SH3PXD2A: variants seen among roughly 807,000 people sequenced by gnomAD.
The protein encoded by SH3PXD2A is SH3 and PX domains 2A.
A neutral mutation model predicts 115.2 loss-of-function variants in SH3PXD2A; 32 were observed. That is an observed-to-expected ratio of 0.28 (90% CI 0.21 to 0.37). The LOEUF is 0.37. Among genes scored for constraint, SH3PXD2A ranks in the 10% least tolerant of loss-of-function variants. The pLI is 1.00. For synonymous variants in SH3PXD2A, 610 were observed against 629.1 expected, an observed-to-expected ratio of 0.97 and a Z score of 0.45; for missense variants, 1,328 against 1,498.7, an observed-to-expected ratio of 0.89 and a Z score of 1.88.
chr10:103,644,360 G>A (rs892643074), intron 8 of SH3PXD2A, among the ~76,000 whole-genome samples: 12 of 151,986 alleles, frequency 7.9e-5, no homozygotes, highest in African/African-American at 2.4e-4. Flanking sequence ...TGGGCAGATC[G>A]TTTGAGTCCA....
chr10:103,637,818 C>T (rs1288813390), intron 8 of SH3PXD2A, among the ~76,000 whole-genome samples: 1 of 152,194 alleles, frequency 6.6e-6, no homozygotes, highest in African/African-American at 2.4e-5. Flanking sequence ...ACCCATACCA[C>T]ACCCAGCACA....
intron 3 of SH3PXD2A, among the ~76,000 whole-genome samples, chr10:103,759,273 A>C (rs998728858): frequency 1.3e-5 from 2 of 152,198 alleles, no homozygotes; most frequent in Non-Finnish European, 2.9e-5. Context: ...AGTACAAAAG[A>C]AGCAAGCATG....
intron 11 of SH3PXD2A, among the ~76,000 whole-genome samples, chr10:103,616,980 C>T (rs2281586): frequency 0.29 from 44,253 of 152,306 alleles, 7,370 homozygotes; most frequent in South Asian, 0.53. Flanking sequence ...CTGGCTGTGG[C>T]TCAAGCTCTG....
chr10:103,641,306 C>T (rs996181855), intron 8 of SH3PXD2A, among the ~76,000 whole-genome samples: 2 of 152,102 alleles, frequency 1.3e-5, no homozygotes, highest in Admixed American at 6.5e-5. Context: ...CTGAGTTGTG[C>T]AGGTCCCCCT....
At position 103,793,888 on chromosome 10, in the gene SH3PXD2A, A is replaced by G. The variant is rs892807428; in HGVS notation, c.153+7394T>C. ...CACACACTGGGATCACCCCAGGTTG[A>G]TCTCAGCTGAGGCCTGCTTTGGATA... On this transcript the variant is annotated intron_variant, in intron 2 of 14. Transcript: ENST00000369774. 2.0e-5 allele frequency among the ~76,000 whole-genome samples: 3 copies of G among 152,340 alleles called. No homozygotes were observed. In the East Asian group the frequency reaches 5.8e-4, roughly 29 times the overall value.
At chr10:103,805,763 C>T (rs1158984391) in intron 1 of SH3PXD2A, among the ~76,000 whole-genome samples, 3 of 152,160 alleles carry the variant, frequency 2.0e-5, no homozygotes, top group Non-Finnish European at 2.9e-5. Context: ...GTGGCTCATG[C>T]CTGTAATCCC....
chr10:103,749,334 A>T (rs760497974), intron 3 of SH3PXD2A, among the ~76,000 whole-genome samples: 4 of 152,198 alleles, frequency 2.6e-5, no homozygotes, highest in Non-Finnish European at 5.9e-5. Flanking sequence ...CTGAAGTCAA[A>T]GCTAAGCTCT....
At position 103,613,153 on chromosome 10, in the gene SH3PXD2A, G is replaced by C. The variant is rs138730731; in HGVS notation, c.958C>G (p.Leu320Val). ...GKEGWAPASYLKKAKDDLPTR... is the reference protein window; with the variant it reads ...GKEGWAPASYVKKAKDDLPTR... The stretch of plus-strand genomic sequence containing the variant: ...GGCAGGTCATCCTTGGCCTTCTTCA[G>C]GTAGGATGCTGGCGCCCAGCCCTCT... Residue 320 changes from leucine to valine, a missense_variant, in exon 12 of 15, where the codon CTG becomes GTG. Physicochemically the swap from Leu to Val is conservative, Grantham distance 32 (BLOSUM62 1). Around this residue, in one of 5 missense-constraint regions of SH3PXD2A, gnomAD observed 509 missense variants for 628.3 expected, o/e 0.81. Transcript: ENST00000369774. The C allele has an allele frequency of 1.9e-6, 3 of 1,610,262 alleles. No homozygotes were observed. Among genetic ancestry groups the C allele is most frequent in the Non-Finnish European group, 2.5e-6 (3 of 1,178,718 alleles).
intron 1 of SH3PXD2A, among the ~76,000 whole-genome samples, chr10:103,851,501 T>C (rs998976081): frequency 1.3e-5 from 2 of 152,168 alleles, no homozygotes; most frequent in Non-Finnish European, 1.5e-5. Context: ...CGGATTCTAA[T>C]TGAAGAGAAG....
chr10:103,730,900 T>C (rs2038308362), intron 4 of SH3PXD2A, among the ~76,000 whole-genome samples: 1 of 152,136 alleles, frequency 6.6e-6, no homozygotes, highest in African/African-American at 2.4e-5. Context: ...GATCAGCTTT[T>C]CCTGGGGAGT....
rs1009778230 is a variant in SH3PXD2A, at chr10:103,644,077, T to C, written c.605-16875A>G. On this transcript the variant is annotated intron_variant, in intron 8 of 14. Coordinates refer to ENST00000369774, the MANE Select transcript of SH3PXD2A (RefSeq NM_001394015.1). ...TTGCAGTGGGCTGAGATTGCACCAC[T>C]GCACTCCAGCCTGGGCGACAGAGCG... Among the ~76,000 whole-genome samples, 15 of 127,282 alleles carry C rather than the reference T, an allele frequency of 1.2e-4. No homozygotes were observed. In the East Asian group the frequency reaches 2.9e-3, roughly 25 times the overall value. 83.5% of individuals were successfully genotyped at this position (127,282 alleles called of 152,430 possible).
intron 6 of SH3PXD2A, among the ~76,000 whole-genome samples, chr10:103,691,703 AC>A (rs1217908451): frequency 1.3e-5 from 2 of 152,098 alleles, no homozygotes; most frequent in Non-Finnish European, 2.9e-5. Flanking sequence ...GTACACAAAT[AC>A]ACACAAACAC....
At chr10:103,749,040 G>A (rs2038543208) in intron 3 of SH3PXD2A, among the ~76,000 whole-genome samples, 1 of 151,570 alleles carries the variant, frequency 6.6e-6, no homozygotes. Context: ...ACAGGCATGT[G>A]CCACCACACC....
At chr10:103,612,550 G>A (rs532272459) in intron 12 of SH3PXD2A, among the ~76,000 whole-genome samples, 11 of 152,352 alleles carry the variant, frequency 7.2e-5, no homozygotes, top group East Asian at 1.9e-4. Flanking sequence ...CTCTTGGAAC[G>A]CGTGTATCTG....
rs2036622823 is a variant in SH3PXD2A, at chr10:103,622,528, C to T, written c.744G>A (p.Leu248=). 1 of 1,550,366 alleles carries T rather than the reference C, an allele frequency of 6.5e-7. No individual in the cohort carries two copies. Among genetic ancestry groups the T allele is most frequent in the Admixed American group, 2.0e-5 (1 of 50,998 alleles). ...GEVSKRRKAH[L]RRLDRRWTLG... is the part of the protein sequence containing the mutation. ...GGGTCCACCGGCGATCCAGGCGCCG[C>T]AGATGGGCCTTGCGTCTCTTGGACA... The change falls in exon 10 of 15, where the codon CTG becomes CTA. Residue 248 remains leucine (L), a synonymous_variant. Coordinates refer to ENST00000369774, the MANE Select transcript of SH3PXD2A (RefSeq NM_001394015.1).
At chr10:103,807,000 G>A (rs187869292) in intron 1 of SH3PXD2A, among the ~76,000 whole-genome samples, 1 of 152,328 alleles carries the variant, frequency 6.6e-6, no homozygotes, top group Admixed American at 6.5e-5. Context: ...CCTTCTGTCT[G>A]CTCAGCTCAC....
At chr10:103,818,618 C>T (rs893693646) in intron 1 of SH3PXD2A, among the ~76,000 whole-genome samples, 4 of 152,174 alleles carry the variant, frequency 2.6e-5, no homozygotes, top group African/African-American at 9.7e-5. Flanking sequence ...ACGGGGAATG[C>T]CATCAGCTCC....
intron 4 of SH3PXD2A, among the ~76,000 whole-genome samples, chr10:103,732,106 C>A (rs1164822626): frequency 6.6e-6 from 1 of 152,192 alleles, no homozygotes; most frequent in Non-Finnish European, 1.5e-5. Context: ...ATTAACATGT[C>A]AAAGGGTGAG....
At chr10:103,755,665 T>G (rs145133554) in intron 3 of SH3PXD2A, among the ~76,000 whole-genome samples, 1 of 152,310 alleles carries the variant, frequency 6.6e-6, no homozygotes, top group Non-Finnish European at 1.5e-5. Flanking sequence ...AGCAGAGTTT[T>G]GGTTCAGGCA....
Sources: gnomAD v4.1 joint callset for allele counts (sites outside exome capture counted in the v4.1 genomes callset) on GRCh38, gnomAD v4.1.1 for gene constraint, gnomAD v4.1.1 regional missense constraint, MANE v1.5 for transcripts, NCBI Gene and HGNC (gene_info 2026-07-23, HGNC 2026-07-21) for gene names.